Variants in CRADD observed in about 807,000 individuals in gnomAD.
The protein encoded by CRADD is CARD and death domain containing adaptor protein, also known as death domain-containing protein CRADD.
Under a neutral mutation model 15.5 loss-of-function variants are expected in CRADD, and 9 were observed. That is an observed-to-expected ratio of 0.58 (90% CI 0.35 to 1.01). The LOEUF (loss-of-function observed/expected upper bound fraction) is 1.01, where lower values mean the gene tolerates loss of function less well. CRADD is among the 50% of genes least tolerant of loss of function. The probability of loss-of-function intolerance (pLI) is 0.02; values close to 1 mark genes in which losing one functional copy is unlikely to be tolerated. For missense variants in CRADD, 227 were observed against 250.3 expected (o/e 0.91, Z 0.63); for synonymous variants, 118 against 107.6 (o/e 1.10, Z -0.60).
Position 93,824,803 on chromosome 12 carries a change from G to T in CRADD, c.299-25167G>T, listed in dbSNP as rs1284254183. On this transcript the variant is annotated intron_variant, in intron 2 of 2. Coordinates refer to ENST00000332896, the MANE Select transcript of CRADD (RefSeq NM_003805.5). The surrounding 1 kb of genome is among the most constrained non-coding windows in gnomAD (Gnocchi z 4.3). ...AATGGCCCTTCTGTCCATGGAATGT[G>T]ATAGCCCAGCAGGAGGTAAAAGCTG... 6.6e-6 allele frequency among the ~76,000 whole-genome samples: 1 copy of T among 152,154 alleles called. No individual in the cohort carries two copies. The highest frequency in any genetic ancestry group is 1.5e-5 in the Non-Finnish European group (1 of 68,032).
At chr12:93,679,162 G>A in intron 2 of CRADD, 90 bp downstream of exon 2, 1 of 1,087,962 alleles carries the variant, frequency 9.2e-7, no homozygotes, top group Non-Finnish European at 1.3e-6. Context: ...TTGTTTTTGA[G>A]ACAGAGTCTT....
intron 2 of CRADD, among the ~76,000 whole-genome samples, chr12:93,781,352 G>T (rs564240212): frequency 6.6e-6 from 1 of 152,252 alleles, no homozygotes; most frequent in African/African-American, 2.4e-5. Context: ...TTAAAAAGGA[G>T]ATCTCACATC....
chr12:93,893,718 C>T (rs918151606), intron 2 of CRADD, among the ~76,000 whole-genome samples: 1 of 151,984 alleles, frequency 6.6e-6, no homozygotes, highest in Non-Finnish European at 1.5e-5. Context: ...CCAGCCTGGC[C>T]AACATGATGA....
chr12:93,695,727 AC>A (rs1389827589), intron 2 of CRADD, among the ~76,000 whole-genome samples: 1 of 152,134 alleles, frequency 6.6e-6, no homozygotes, highest in Non-Finnish European at 1.5e-5. Flanking sequence ...ACATGGTGAA[AC>A]CCTGTCTCTA....
At chr12:93,770,090 T>C (rs536585321) in intron 2 of CRADD, among the ~76,000 whole-genome samples, 15 of 141,086 alleles carry the variant, frequency 1.1e-4, no homozygotes, top group African/African-American at 3.6e-4. Flanking sequence ...TATCCTCCTA[T>C]GTTATCTTTT....
intron 2 of CRADD, among the ~76,000 whole-genome samples, chr12:93,698,679 C>T (rs892314908): frequency 1.1e-4 from 17 of 151,826 alleles, no homozygotes; most frequent in African/African-American, 3.9e-4. Context: ...ATTGTTTTTC[C>T]CCAAATTGTT....
At chr12:93,834,633 C>CA (rs1957954144) in intron 2 of CRADD, among the ~76,000 whole-genome samples, 1 of 152,138 alleles carries the variant, frequency 6.6e-6, no homozygotes, top group African/African-American at 2.4e-5. Context: ...GGACTACAGG[C>CA]CTGCGCCACC....
chr12:93,761,553 A>G (rs536005861), intron 2 of CRADD, among the ~76,000 whole-genome samples: 39 of 152,118 alleles, frequency 2.6e-4, no homozygotes, highest in Non-Finnish European at 5.3e-4. Flanking sequence ...GACGAAAGGA[A>G]GGTGGTACAG....
intron 2 of CRADD, among the ~76,000 whole-genome samples, chr12:93,780,946 C>T (rs540786688): frequency 8.9e-4 from 132 of 148,878 alleles, no homozygotes; most frequent in South Asian, 2.1e-3. Context: ...AGTAGAGACA[C>T]GGTTTTGCTA....
At chr12:93,760,635 G>A (rs558563370) in intron 2 of CRADD, among the ~76,000 whole-genome samples, 3 of 152,230 alleles carry the variant, frequency 2.0e-5, no homozygotes, top group African/African-American at 7.2e-5. Flanking sequence ...TGGCTTCTCA[G>A]TAGGAATTTA....
chr12:93,835,758 T>C (rs1411763657), intron 2 of CRADD, among the ~76,000 whole-genome samples: 2 of 152,232 alleles, frequency 1.3e-5, no homozygotes, highest in Non-Finnish European at 2.9e-5. Context: ...TGGCCCATTT[T>C]CTTCCACATA....
Position 93,688,500 on chromosome 12 carries a change from A to G in CRADD, c.298+9428A>G, listed in dbSNP as rs557753819. On this transcript the variant is annotated intron_variant, in intron 2 of 2. Transcript: ENST00000332896. ...ACAGAGTGAGACCCTGTCTCAAAAAAAAAAAAAAAAGCAAAAGCAGTCTTT... is the reference window on the plus strand; with the variant it reads ...ACAGAGTGAGACCCTGTCTCAAAAAGAAAAAAAAAAGCAAAAGCAGTCTTT... 7.2e-5 allele frequency among the ~76,000 whole-genome samples: 11 copies of G among 152,134 alleles called. No homozygotes were observed. In the South Asian group the frequency reaches 2.3e-3, roughly 32 times the overall value.
intron 2 of CRADD, among the ~76,000 whole-genome samples, chr12:93,866,724 G>A (rs1411687766): frequency 1.3e-5 from 2 of 152,090 alleles, no homozygotes; most frequent in African/African-American, 4.8e-5. Context: ...GCTGTTTGTT[G>A]GATAATCCTA....
intron 2 of CRADD, among the ~76,000 whole-genome samples, chr12:93,687,733 G>A (rs553141265): frequency 9.8e-5 from 15 of 152,336 alleles, no homozygotes; most frequent in Admixed American, 3.3e-4. Context: ...GAATCAGGGT[G>A]TAGAGGGATA....
At chr12:93,843,035 A>G (rs1331690992) in intron 2 of CRADD, among the ~76,000 whole-genome samples, 4 of 152,310 alleles carry the variant, frequency 2.6e-5, no homozygotes, top group East Asian at 3.9e-4. Context: ...TTAAATTCCC[A>G]TTTGGGATTT....
At chr12:93,736,170 C>T (rs1565894787) in intron 2 of CRADD, among the ~76,000 whole-genome samples, 1 of 152,002 alleles carries the variant, frequency 6.6e-6, no homozygotes, top group Non-Finnish European at 1.5e-5. Context: ...TTTTGGGGAG[C>T]ATGACATATA....
At position 93,712,105 on chromosome 12, in the gene CRADD, T is replaced by C. The variant is rs565243103; in HGVS notation, c.298+33033T>C. The stretch of plus-strand genomic sequence containing the variant: ...GACACTCGCCCTCTCACAGTTCCTA[T>C]GTTCTGTTTTTTTCTAGCACTGACT... On this transcript the variant is annotated intron_variant, in intron 2 of 2. Coordinates refer to ENST00000332896, the MANE Select transcript of CRADD (RefSeq NM_003805.5). Among the ~76,000 whole-genome samples the C allele has an allele frequency of 4.6e-5, 7 of 152,110 alleles. No individual in the cohort carries two copies. The South Asian group carries it at 6.2e-4, about 14-fold the overall frequency.
chr12:93,813,758 G>C (rs1455894205), intron 2 of CRADD, among the ~76,000 whole-genome samples: 2 of 152,078 alleles, frequency 1.3e-5, no homozygotes, highest in Admixed American at 6.5e-5. Context: ...TCCTGAGAGG[G>C]GGGTATGGAG....
chr12:93,780,405 G>A (rs868206688), intron 2 of CRADD, among the ~76,000 whole-genome samples: 3 of 152,160 alleles, frequency 2.0e-5, no homozygotes, highest in Non-Finnish European at 4.4e-5. Flanking sequence ...AGATATTACT[G>A]TTATCAATCC....
Sources: allele counts gnomAD v4.1 joint callset (sites outside exome capture counted in the v4.1 genomes callset), GRCh38; gene constraint gnomAD v4.1.1; non-coding constraint Gnocchi (gnomAD v3.1); transcripts MANE v1.5; gene names NCBI Gene and HGNC (gene_info 2026-07-23, HGNC 2026-07-21).